Variants in LDLRAD4 observed in about 807,000 individuals in gnomAD.
LDLRAD4 encodes low density lipoprotein receptor class A domain containing 4.
In LDLRAD4, 5 loss-of-function variants were observed where a neutral mutation model predicts 17.0. The observed-to-expected ratio is 0.29, with a 90% confidence interval of 0.15 to 0.62. The LOEUF (loss-of-function observed/expected upper bound fraction) is 0.62. Among genes scored for constraint, LDLRAD4 ranks in the 20% least tolerant of loss-of-function variants. The pLI, the probability that LDLRAD4 is intolerant of heterozygous loss-of-function variation, is 0.84. For missense variants in LDLRAD4, 340 were observed against 424.7 expected (o/e 0.80, Z 1.75); for synonymous variants, 168 against 171.8 (o/e 0.98, Z 0.17).
At chr18:13,612,841 G>A (rs1321253192) in intron 3 of LDLRAD4, 3 of 1,598,070 alleles carry the variant, frequency 1.9e-6, no homozygotes, top group Non-Finnish European at 2.6e-6. Context: ...TCTTCTTGGA[G>A]TTTGGTCTGA....
intron 1 of LDLRAD4, among the ~76,000 whole-genome samples, chr18:13,377,056 C>T (rs2084964265): frequency 6.6e-6 from 1 of 152,212 alleles, no homozygotes; most frequent in South Asian, 2.1e-4. Flanking sequence ...GAAGCTCTCT[C>T]AGTGCTCCCT....
chr18:13,256,734 G>A (rs2043524341), intron 1 of LDLRAD4, among the ~76,000 whole-genome samples: 1 of 152,196 alleles, frequency 6.6e-6, no homozygotes, highest in African/African-American at 2.4e-5. Flanking sequence ...TGGTAAGCTG[G>A]TGTGTGTGCT....
At chr18:13,361,820 G>A (rs1383853628) in intron 1 of LDLRAD4, among the ~76,000 whole-genome samples, 1 of 152,128 alleles carries the variant, frequency 6.6e-6, no homozygotes, top group African/African-American at 2.4e-5. Flanking sequence ...GGTAGGGTCT[G>A]CCCCCAGCCA....
Position 13,645,413 on chromosome 18 carries a change from G to A in LDLRAD4, c.677G>A (p.Gly226Glu). The A allele has an allele frequency of 6.2e-7, 1 of 1,614,186 alleles. No homozygotes were observed. The highest frequency in any genetic ancestry group is 8.5e-7 in the Non-Finnish European group (1 of 1,180,050). The stretch of plus-strand genomic sequence containing the variant: ...TTAATAGACATTGCTATGTATAGCG[G>A]GGGTCCATGCCCACCCAGCAGCAAC... Residue 226 changes from glycine to glutamate, a missense_variant, in exon 6 of 6, where the codon GGG becomes GAG. Coordinates refer to ENST00000359446, the Ensembl canonical transcript of LDLRAD4. The surrounding 1 kb of genome is among the most constrained non-coding windows in gnomAD (Gnocchi z 5.7).
chr18:13,564,341 T>G (rs1339302063), intron 3 of LDLRAD4, among the ~76,000 whole-genome samples: 1 of 152,168 alleles, frequency 6.6e-6, no homozygotes, highest in African/African-American at 2.4e-5. Context: ...GCCTATGTTG[T>G]TGTATCTAAA....
At chr18:13,524,621 A>G (rs1300270079) in intron 3 of LDLRAD4, among the ~76,000 whole-genome samples, 1 of 152,220 alleles carries the variant, frequency 6.6e-6, no homozygotes, top group Non-Finnish European at 1.5e-5. Context: ...AACAATAACC[A>G]TTTATTATGA....
rs1179368034 is a variant in LDLRAD4 at position 13,622,389 on chromosome 18, G to A, written c.336+1118G>A. Among the ~76,000 whole-genome samples, 9 of 152,212 alleles carry A rather than the reference G, an allele frequency of 5.9e-5. No individual in the cohort carries two copies. Among genetic ancestry groups the A allele is most frequent in the African/African-American group, 2.2e-4 (9 of 41,456 alleles). ...TACCGAGTGCTATCTTCAGACCATG[G>A]TGAGGGCTAGACGGGGCAGCCTCGG... On this transcript the variant is annotated intron_variant, in intron 4 of 5. Transcript: ENST00000359446. This position sits in a 1 kb window ranked among gnomAD's most constrained non-coding sequence, Gnocchi z 5.3.
At chr18:13,353,313 T>C (rs965453899) in intron 1 of LDLRAD4, among the ~76,000 whole-genome samples, 1 of 152,218 alleles carries the variant, frequency 6.6e-6, no homozygotes, top group Non-Finnish European at 1.5e-5. Context: ...AGCTGAGCTT[T>C]GGGATAGCTC....
chr18:13,494,201 C>T (rs9949847), intron 3 of LDLRAD4, among the ~76,000 whole-genome samples: 38,739 of 152,020 alleles, frequency 0.25, 6,165 homozygotes, highest in African/African-American at 0.44. Context: ...TTCACTGTAT[C>T]CCAACCTGCT....
intron 3 of LDLRAD4, among the ~76,000 whole-genome samples, chr18:13,484,660 A>G (rs903167265): frequency 1.3e-5 from 2 of 152,146 alleles, no homozygotes; most frequent in Admixed American, 6.5e-5. Flanking sequence ...CTATCTCACT[A>G]TCTGTATTCT....
intron 3 of LDLRAD4, among the ~76,000 whole-genome samples, chr18:13,446,644 C>G (rs900196088): frequency 6.6e-6 from 1 of 152,238 alleles, no homozygotes; most frequent in Non-Finnish European, 1.5e-5. Flanking sequence ...GCTCTCCTCT[C>G]TGACTCACTG....
intron 1 of LDLRAD4, among the ~76,000 whole-genome samples, chr18:13,374,761 A>G (rs1023639137): frequency 6.6e-6 from 1 of 152,190 alleles, no homozygotes; most frequent in Non-Finnish European, 1.5e-5. Flanking sequence ...GCGATTGAGA[A>G]GGCCAGCACC....
intron 1 of LDLRAD4, among the ~76,000 whole-genome samples, chr18:13,289,664 C>T (rs377012562): frequency 7.9e-5 from 12 of 152,278 alleles, no homozygotes; most frequent in African/African-American, 1.4e-4. Context: ...ATTATGGGGC[C>T]GTCTGTCTCT....
At chr18:13,240,976 C>G (rs1020228140) in intron 1 of LDLRAD4, 2 of 152,106 alleles carry the variant, frequency 1.3e-5, no homozygotes, top group African/African-American at 4.8e-5. Context: ...GTTGCCCACG[C>G]TGGAGTGCAA....
chr18:13,569,061 A>G (rs994980228), intron 3 of LDLRAD4, among the ~76,000 whole-genome samples: 10 of 152,218 alleles, frequency 6.6e-5, no homozygotes, highest in African/African-American at 2.4e-4. Flanking sequence ...GAGCAACTAC[A>G]TCATTTGAAA....
chr18:13,487,142 A>C (rs1327164949), intron 3 of LDLRAD4: 1 of 152,194 alleles, frequency 6.6e-6, no homozygotes, highest in Non-Finnish European at 1.5e-5. Flanking sequence ...GAGAGTGATC[A>C]TTTCTTTTTT....
intron 1 of LDLRAD4, among the ~76,000 whole-genome samples, chr18:13,342,141 T>C (rs1417557987): frequency 6.6e-6 from 1 of 152,130 alleles, no homozygotes; most frequent in Non-Finnish European, 1.5e-5. Context: ...TTTGCTAGTA[T>C]TTAGTTGGGG....
At chr18:13,428,119 A>G (rs1355749716) in intron 2 of LDLRAD4, among the ~76,000 whole-genome samples, 1 of 152,242 alleles carries the variant, frequency 6.6e-6, no homozygotes, top group African/African-American at 2.4e-5. Context: ...TCTAATGGAG[A>G]AAAGAAGACA....
intron 1 of LDLRAD4, among the ~76,000 whole-genome samples, chr18:13,257,143 G>A (rs926743721): frequency 2.0e-5 from 3 of 152,238 alleles, no homozygotes; most frequent in Admixed American, 1.3e-4. Flanking sequence ...GGTCCGGCGG[G>A]ACAGACGTGC....
Sources: allele counts gnomAD v4.1 joint callset (sites outside exome capture counted in the v4.1 genomes callset), GRCh38; gene constraint gnomAD v4.1.1; non-coding constraint Gnocchi (gnomAD v3.1); transcripts MANE v1.5; gene names NCBI Gene and HGNC (gene_info 2026-07-23, HGNC 2026-07-21).